The following IQSEC2 variants were observed in gnomAD, a reference collection of about 807,000 sequenced individuals.
IQSEC2 encodes IQ motif and Sec7 domain ArfGEF 2.
A neutral mutation model predicts 74.6 loss-of-function variants in IQSEC2; 6 were observed. The ratio of observed to expected loss-of-function variants is 0.08; its 90% CI spans 0.04 to 0.16. The LOEUF is 0.16. Ranked by LOEUF, IQSEC2 falls within the 10% of genes least tolerant of loss-of-function variation. The pLI is 1.00. For synonymous variants in IQSEC2, 494 were observed against 544.5 expected, an observed-to-expected ratio of 0.91 and a Z score of 1.29; for missense variants, 734 against 1,306.2, an observed-to-expected ratio of 0.56 and a Z score of 6.75.
chrX:53,316,080 C>T (rs1403913316), intron 1 of IQSEC2, among the ~76,000 whole-genome samples: 1 of 112,159 alleles, frequency 8.9e-6, no homozygotes, highest in East Asian at 2.8e-4. Flanking sequence ...GCCTCTATGG[C>T]ATGGCTAGGC....
At chrX:53,261,656 CCACA>C (rs63636261) in intron 2 of IQSEC2, among the ~76,000 whole-genome samples, 1 of 108,682 alleles carries the variant, frequency 9.2e-6, no homozygotes, top group Non-Finnish European at 1.9e-5. Context: ...ACGGACACAA[CCACA>C]CACACACACT....
chrX:53,289,135 C>A (rs868950880), intron 2 of IQSEC2, among the ~76,000 whole-genome samples: 8,674 of 111,279 alleles, frequency 0.078, 864 homozygotes, highest in African/African-American at 0.27. Flanking sequence ...CGCCTCTCCT[C>A]GGTGTTTCTT....
intron 1 of IQSEC2, among the ~76,000 whole-genome samples, chrX:53,296,400 G>A (rs959871752): frequency 4.5e-5 from 5 of 111,160 alleles, no homozygotes; most frequent in East Asian, 2.9e-4. Flanking sequence ...TCCCAGGAGC[G>A]TCCTAAGGAA....
At chrX:53,282,155 C>G (rs1410578458) in intron 2 of IQSEC2, among the ~76,000 whole-genome samples, 2 of 112,845 alleles carry the variant, frequency 1.8e-5, no homozygotes, top group Non-Finnish European at 3.7e-5. Context: ...TAAGCTCTCA[C>G]TCTTCTATGT....
chrX:53,278,058 T>A (rs1175553697), intron 2 of IQSEC2, among the ~76,000 whole-genome samples: 1 of 87,044 alleles, frequency 1.1e-5, no homozygotes, highest in Non-Finnish European at 2.1e-5. Flanking sequence ...TCGCCCAGGC[T>A]GGAGTGCAGT....
chrX:53,309,298 A>T (rs2075298597), intron 1 of IQSEC2, among the ~76,000 whole-genome samples: 1 of 112,249 alleles, frequency 8.9e-6, no homozygotes, highest in Non-Finnish European at 1.9e-5. Context: ...AAGTGGTTGC[A>T]TCTGGGGCTG....
At chrX:53,314,425 T>C (rs57574261) in intron 1 of IQSEC2, among the ~76,000 whole-genome samples, 3,293 of 111,383 alleles carry the variant, frequency 0.03, 125 homozygotes, top group African/African-American at 0.1. Flanking sequence ...AGAGGGGACA[T>C]GAGATGTAAA....
chrX:53,295,932 C>T (rs2075147714), intron 1 of IQSEC2, among the ~76,000 whole-genome samples: 1 of 111,421 alleles, frequency 9.0e-6, no homozygotes, highest in African/African-American at 3.3e-5. Context: ...TGAGATAATG[C>T]GGAGTAACTT....
rs2074253394 is a variant in IQSEC2, at chrX:53,243,352, T to G, written c.2869A>C (p.Met957Leu). 10 of 1,167,117 alleles carry G rather than the reference T, an allele frequency of 8.6e-6. No homozygotes were observed. The highest frequency in any genetic ancestry group is 1.1e-5 in the Non-Finnish European group (10 of 872,797). ...HVSQVQAVER[M>L]IVGKKPVLSL... The stretch of plus-strand genomic sequence containing the variant: ...CTTACTGGTTTCTTTCCAACAATCA[T>G]GCGCTCCACAGCCTGCACCTGGGAC... Residue 957 changes from methionine to leucine, a missense_variant, in exon 9 of 15, where the codon ATG (methionine) becomes CTG (leucine). This residue lies in a region of IQSEC2 where 249 missense variants were observed against 467.9 expected (regional missense o/e 0.53). Transcript: ENST00000642864.
Position 53,254,705 on chromosome X carries a change from T to C in IQSEC2, c.1226A>G (p.Lys409Arg). Residue 409 changes from lysine (K) to arginine (R), a missense_variant, in exon 4 of 15, where the codon AAG (lysine) becomes AGG (arginine). Physicochemically the swap from Lys to Arg is conservative, Grantham distance 26. Around this residue, in one of 12 missense-constraint regions of IQSEC2, gnomAD observed 204 missense variants for 305.4 expected, o/e 0.67. Coordinates refer to ENST00000642864, the MANE Select transcript of IQSEC2 (RefSeq NM_001111125.3). ...GGCACCCTCGTCCAGCGAGGCAGGCTTGCCCTCGAAGTACGCGGGGTTCTG... is the reference window on the plus strand; with the variant it reads ...GGCACCCTCGTCCAGCGAGGCAGGCCTGCCCTCGAAGTACGCGGGGTTCTG... The part of the protein sequence containing the change: ...KAQNPAYFEG[K>R]PASLDEGAMA... 1 of 1,208,965 alleles carries C rather than the reference T, an allele frequency of 8.3e-7. No individual in the cohort carries two copies. Among genetic ancestry groups the C allele is most frequent in the Non-Finnish European group, 1.1e-6 (1 of 893,941 alleles).
chrX:53,237,260 C>T (rs1470181477), intron 12 of IQSEC2, among the ~76,000 whole-genome samples: 4 of 111,555 alleles, frequency 3.6e-5, no homozygotes, highest in African/African-American at 1.3e-4. Flanking sequence ...CCCACCTCCC[C>T]ACGGAGCTCA....
At chrX:53,246,384 TTC>T (rs1394915838) in intron 8 of IQSEC2, among the ~76,000 whole-genome samples, 1 of 111,651 alleles carries the variant, frequency 9.0e-6, no homozygotes, top group Non-Finnish European at 1.9e-5. Context: ...ACTGTTCACT[TTC>T]TGTCTTATGT....
chrX:53,245,080 A>G (rs2074282969), intron 8 of IQSEC2, among the ~76,000 whole-genome samples: 2 of 109,417 alleles, frequency 1.8e-5, no homozygotes, highest in African/African-American at 6.7e-5. Context: ...CATGTTCACC[A>G]TCCTTCTCCA....
At chrX:53,295,603 CAAAAAAAAAA>C (rs782410222) in intron 1 of IQSEC2, among the ~76,000 whole-genome samples, 1 of 40,578 alleles carries the variant, frequency 2.5e-5, no homozygotes, top group African/African-American at 1.2e-4. Context: ...GACTCCGTCT[CAAAAAAAAAA>C]AAAAAAAAAA....
At chrX:53,298,813 C>T (rs1346722830) in intron 1 of IQSEC2, among the ~76,000 whole-genome samples, 4 of 111,619 alleles carry the variant, frequency 3.6e-5, no homozygotes, top group Non-Finnish European at 7.5e-5. Context: ...GATACCTCCT[C>T]ACCTTTTATT....
chrX:53,297,571 C>T (rs1411760647), intron 1 of IQSEC2, among the ~76,000 whole-genome samples: 2 of 111,309 alleles, frequency 1.8e-5, no homozygotes, highest in African/African-American at 6.5e-5. Context: ...AAGAGATTCA[C>T]CTACCTCAGC....
At position 53,241,824 on chromosome X, in the gene IQSEC2, A is replaced by T. The variant is rs782047010; in HGVS notation, c.2975T>A (p.Leu992Ter). 1 of 1,211,640 alleles carries T rather than the reference A, an allele frequency of 8.3e-7. No homozygotes were observed. The highest frequency in any genetic ancestry group is 1.1e-6 in the Non-Finnish European group (1 of 895,418). The change falls in exon 10 of 15, where the codon TTG becomes TAG. Residue 992 changes from leucine to a stop codon, truncating the protein, a stop_gained. Coordinates refer to ENST00000642864, the MANE Select transcript of IQSEC2 (RefSeq NM_001111125.3). LOFTEE classifies it high-confidence loss of function. ...GAAGAGGAAGACCTCCCGCTGATGC[A>T]ACCCTAGCCTCTGGGGGCGGTTTGG... ...PDPNRPQRLG[L>*]HQREVFLFND...
At position 53,250,995 on chromosome X, in the gene IQSEC2, T is replaced by G. The variant is rs1188849408; in HGVS notation, c.1581A>C (p.Gln527His). Residue 527 changes from glutamine (Q) to histidine (H), a missense_variant, in exon 5 of 15, where the codon CAA becomes CAC. Gln to His is a conservative substitution (Grantham distance 24). Around this residue, in one of 12 missense-constraint regions of IQSEC2, gnomAD observed 204 missense variants for 305.4 expected, o/e 0.67. Transcript: ENST00000642864. ...PLYLDDTVPQQSPERLPSTEP... is the reference protein window; with the variant it reads ...PLYLDDTVPQHSPERLPSTEP... Reference sequence around the variant, plus strand: ...CTGTGCTGGGCAGTCGCTCAGGGGATTGTTGGGGAACTGTGTCATCCAGGT... The same window carrying G: ...CTGTGCTGGGCAGTCGCTCAGGGGAGTGTTGGGGAACTGTGTCATCCAGGT... The G allele has an allele frequency of 8.3e-7, 1 of 1,210,083 alleles. No individual in the cohort carries two copies. Among genetic ancestry groups the G allele is most frequent in the Non-Finnish European group, 1.1e-6 (1 of 895,191 alleles).
intron 1 of IQSEC2, among the ~76,000 whole-genome samples, chrX:53,298,251 T>A (rs1248085716): frequency 9.0e-6 from 1 of 111,256 alleles, no homozygotes; most frequent in African/African-American, 3.3e-5. Flanking sequence ...TTTTTTTTTT[T>A]AGAGTTTATG....
Sources: allele counts gnomAD v4.1 joint callset (sites outside exome capture counted in the v4.1 genomes callset), GRCh38; gene constraint gnomAD v4.1.1; regional missense constraint gnomAD v4.1.1; transcripts MANE v1.5; gene names NCBI Gene and HGNC (gene_info 2026-07-23, HGNC 2026-07-21).